The following RAF1 variants were observed in gnomAD, a reference collection of about 807,000 sequenced individuals.
RAF1 encodes RAF proto-oncogene serine/threonine-protein kinase.
A neutral mutation model predicts 81.1 loss-of-function variants in RAF1; 27 were observed. The ratio of observed to expected loss-of-function variants is 0.33; its 90% CI spans 0.25 to 0.46. The LOEUF is 0.46. Ranked by LOEUF, RAF1 falls within the 20% of genes least tolerant of loss-of-function variation. RAF1 has a pLI of 1.00. For synonymous variants in RAF1, 298 were observed against 294.0 expected, an observed-to-expected ratio of 1.01 and a Z score of -0.14; for missense variants, 598 against 826.0, an observed-to-expected ratio of 0.72 and a Z score of 3.38.
intron 2 of RAF1, 106 bp from the exon 3 acceptor site, chr3:12,612,168 GCA>G: frequency 1.2e-6 from 1 of 837,756 alleles, no homozygotes; most frequent in Non-Finnish European, 2.1e-6. Flanking sequence ...GATGGCCCAC[GCA>G]CACACACATA....
chr3:12,599,770 T>C lies in RAF1; in HGVS notation c.1089A>G (p.Glu363=). Residue 363 remains glutamate (E), a synonymous_variant, in exon 11 of 18, where the codon GAA becomes GAG. Coordinates refer to ENST00000442415, the MANE Select transcript of RAF1 (RefSeq NM_001354689.3). ...ACAGCATCACTTCACTGGCTTCTAT[T>C]TCCCAATAATAGCTTGAATCTCTCT... is the stretch of plus-strand genomic sequence containing the variant. 2.5e-6 allele frequency: 4 copies of C among 1,614,198 alleles called. No individual in the cohort carries two copies. Among genetic ancestry groups the C allele is most frequent in the Non-Finnish European group, 3.4e-6 (4 of 1,180,024 alleles).
At chr3:12,609,455 A>ATAATTTATT in intron 3 of RAF1, 120 bp from the exon 4 acceptor site, 2 of 702,908 alleles carry the variant, frequency 2.8e-6, no homozygotes, top group Non-Finnish European at 5.1e-6. Context: ...CCATACAACA[A>ATAATTTATT]TAATTTATTT....
intron 12 of RAF1, among the ~76,000 whole-genome samples, chr3:12,591,245 C>G (rs1489942856): frequency 6.6e-6 from 1 of 152,118 alleles, no homozygotes; most frequent in Admixed American, 6.5e-5. Flanking sequence ...CACTCCATGA[C>G]CCTCCTGTGG....
intron 1 of RAF1, among the ~76,000 whole-genome samples, chr3:12,641,750 C>T (rs1170796146): frequency 6.6e-6 from 1 of 152,048 alleles, no homozygotes; most frequent in Non-Finnish European, 1.5e-5. Context: ...CTTTGGCCTC[C>T]CAAAGTGCTG....
chr3:12,584,629 T>C lies in RAF1; in HGVS notation c.1892A>G (p.His631Arg), dbSNP rs2058261337. The C allele has an allele frequency of 6.2e-7, 1 of 1,613,648 alleles. No homozygotes were observed. The highest frequency in any genetic ancestry group is 2.2e-5 in the East Asian group (1 of 44,842). ...GCTCCGGTTGATCTTCGGTAGAGAG[T>C]GTTGGAGCAGCTCAATGGAAGACAG... Residue 631 changes from histidine to arginine, a missense_variant, in exon 18 of 18, where the codon CAC becomes CGC. Transcript: ENST00000442415.
At chr3:12,607,951 A>C (rs1477109547) in intron 5 of RAF1, among the ~76,000 whole-genome samples, 1 of 55,198 alleles carries the variant, frequency 1.8e-5, no homozygotes, top group African/African-American at 8.9e-5. Context: ...CTTGTCTCCA[A>C]AAAAAAAAAA....
chr3:12,663,325 T>A (rs1406681109), intron 1 of RAF1, among the ~76,000 whole-genome samples: 1 of 152,212 alleles, frequency 6.6e-6, no homozygotes, highest in Non-Finnish European at 1.5e-5. Context: ...AAGAGGCCCC[T>A]GTGCCTTTGT....
intron 1 of RAF1, among the ~76,000 whole-genome samples, chr3:12,663,512 C>G (rs1038526346): frequency 6.6e-6 from 1 of 152,224 alleles, no homozygotes; most frequent in Non-Finnish European, 1.5e-5. Context: ...CAGCTCTGGG[C>G]GGATTTTCCC....
intron 1 of RAF1, among the ~76,000 whole-genome samples, chr3:12,650,306 A>T (rs1164877767): frequency 6.6e-6 from 1 of 152,114 alleles, no homozygotes; most frequent in Non-Finnish European, 1.5e-5. Flanking sequence ...CCTGGGTGAC[A>T]AAATGAAACC....
intron 1 of RAF1, among the ~76,000 whole-genome samples, chr3:12,637,316 G>A (rs1437178900): frequency 6.7e-6 from 1 of 149,688 alleles, no homozygotes; most frequent in Non-Finnish European, 1.5e-5. Flanking sequence ...ATATGCATAT[G>A]TACATCTTTG....
chr3:12,606,259 C>G lies in RAF1; in HGVS notation c.622G>C (p.Ala208Pro), dbSNP rs767628398. ...CGACGCATAGTCAAAGAAGGTAGTG[C>G]TGGGACTCCACTATCACCAATAGTG... Residue 208 changes from alanine to proline, a missense_variant, in exon 6 of 18, where the codon GCA (alanine) becomes CCA (proline). Around this residue, in one of 5 missense-constraint regions of RAF1, gnomAD observed 194 missense variants for 202.7 expected, o/e 0.96. Coordinates refer to ENST00000442415, the MANE Select transcript of RAF1 (RefSeq NM_001354689.3). The G allele has an allele frequency of 3.8e-5, 61 of 1,613,866 alleles. No individual in the cohort carries two copies. Among genetic ancestry groups the G allele is most frequent in the Non-Finnish European group, 4.5e-5 (53 of 1,179,872 alleles).
intron 2 of RAF1, 94 bp downstream of exon 2, chr3:12,618,421 T>G: frequency 1.5e-6 from 2 of 1,299,304 alleles, no homozygotes; most frequent in Non-Finnish European, 2.2e-6. Flanking sequence ...TAAATGACAA[T>G]GAATATTTTG....
intron 1 of RAF1, among the ~76,000 whole-genome samples, chr3:12,621,596 AAAG>A (rs1416940414): frequency 6.6e-6 from 1 of 152,252 alleles, no homozygotes; most frequent in Admixed American, 6.5e-5. Flanking sequence ...AAATGTTCTT[AAAG>A]AATGACCTAG....
At chr3:12,588,985 T>G (rs1441864929) in intron 13 of RAF1, 1 of 153,196 alleles carries the variant, frequency 6.5e-6, no homozygotes, top group Admixed American at 6.6e-5. Context: ...CTCCATGCTC[T>G]CTCTCTTGCT....
At chr3:12,631,049 C>G (rs2036230) in intron 1 of RAF1, among the ~76,000 whole-genome samples, 127,759 of 152,026 alleles carry the variant, frequency 0.84, 54,082 homozygotes, top group East Asian at 0.94. Context: ...TCCAGGCTCA[C>G]TAACTCATGC....
chr3:12,587,410 T>A, intron 14 of RAF1, 181 bp downstream of exon 13: 1 of 695,102 alleles, frequency 1.4e-6, no homozygotes, highest in South Asian at 1.7e-5. Flanking sequence ...AGGTGAGGCA[T>A]AAGCTGCTGA....
At chr3:12,642,306 A>AC (rs1022661090) in intron 1 of RAF1, among the ~76,000 whole-genome samples, 3 of 143,704 alleles carry the variant, frequency 2.1e-5, no homozygotes, top group African/African-American at 7.9e-5. Flanking sequence ...AAAAAAAAAA[A>AC]CCCCAAAAAA....
chr3:12,655,458 C>T (rs1489145810), intron 1 of RAF1, among the ~76,000 whole-genome samples: 3 of 152,180 alleles, frequency 2.0e-5, no homozygotes, highest in East Asian at 1.9e-4. Flanking sequence ...AACTGGAACC[C>T]TTGTGCTTTG....
At position 12,644,765 on chromosome 3, in the gene RAF1, C is replaced by T. The variant is rs927226142; in HGVS notation, c.-27+19048G>A. Among the ~76,000 whole-genome samples, 4 of 152,058 alleles carry T rather than the reference C, an allele frequency of 2.6e-5. No individual in the cohort carries two copies. The South Asian group carries it at 8.3e-4, about 31-fold the overall frequency. ...ATTATAATCAGGCACTTTGAAAAAC[C>T]TCATTTTTGAGTTTTTCCTCAAATA... On this transcript the variant is annotated intron_variant, in intron 1 of 17. Transcript: ENST00000442415.
Sources: allele counts gnomAD v4.1 joint callset (sites outside exome capture counted in the v4.1 genomes callset), GRCh38; gene constraint gnomAD v4.1.1; regional missense constraint gnomAD v4.1.1; transcripts MANE v1.5; gene names NCBI Gene and HGNC (gene_info 2026-07-23, HGNC 2026-07-21).